The following MNAT1 variants were observed in gnomAD, a reference collection of about 807,000 sequenced individuals.
The protein encoded by MNAT1 is MNAT1 component of CDK activating kinase.
Under a neutral mutation model 42.0 loss-of-function variants are expected in MNAT1, and 43 were observed. The ratio of observed to expected loss-of-function variants is 1.02; its 90% CI spans 0.80 to 1.32. The LOEUF (loss-of-function observed/expected upper bound fraction) is 1.32, where lower values mean the gene tolerates loss of function less well. Among genes scored for constraint, MNAT1 ranks in the 40% most tolerant of loss-of-function variants. The probability of loss-of-function intolerance (pLI) is 0.00; values close to 1 mark genes in which losing one functional copy is unlikely to be tolerated. For missense variants in MNAT1, 306 were observed against 350.4 expected, an observed-to-expected ratio of 0.87 and a Z score of 1.01; for synonymous variants, 118 against 120.0, an observed-to-expected ratio of 0.98 and a Z score of 0.11.
chr14:60,823,732 G>A (rs1250398805), intron 6 of MNAT1, among the ~76,000 whole-genome samples: 1 of 152,092 alleles, frequency 6.6e-6, no homozygotes, highest in Non-Finnish European at 1.5e-5. Context: ...GGTGGCAGGC[G>A]CTTGTAATCC....
At chr14:60,792,365 T>A (rs996640496) in intron 1 of MNAT1, among the ~76,000 whole-genome samples, 3 of 152,176 alleles carry the variant, frequency 2.0e-5, no homozygotes, top group Non-Finnish European at 4.4e-5. Flanking sequence ...ATAGACAAGT[T>A]AGGTTTATTT....
intron 6 of MNAT1, among the ~76,000 whole-genome samples, chr14:60,858,734 C>T (rs1226624192): frequency 6.6e-6 from 1 of 152,180 alleles, no homozygotes; most frequent in Non-Finnish European, 1.5e-5. Context: ...CCTGATCAGT[C>T]AGCAGCCATC....
intron 1 of MNAT1, among the ~76,000 whole-genome samples, chr14:60,785,966 A>G (rs1176203995): frequency 1.3e-5 from 2 of 152,132 alleles, no homozygotes; most frequent in Admixed American, 6.5e-5. Context: ...TGAATTATAT[A>G]TATTTTTTCA....
At chr14:60,944,977 A>G (rs1290295232) in intron 7 of MNAT1, among the ~76,000 whole-genome samples, 1 of 152,206 alleles carries the variant, frequency 6.6e-6, no homozygotes, top group African/African-American at 2.4e-5. Flanking sequence ...AAATATGATT[A>G]TAGCAGTTTC....
chr14:60,767,955 G>A (rs2030900046), intron 1 of MNAT1, among the ~76,000 whole-genome samples: 2 of 151,964 alleles, frequency 1.3e-5, no homozygotes, highest in Admixed American at 1.3e-4. Context: ...TAGTAGAGAC[G>A]GGGTTTCACC....
chr14:60,747,958 AGGCCGAGGTCGGC>A (rs1016531739), intron 1 of MNAT1, among the ~76,000 whole-genome samples: 4 of 152,138 alleles, frequency 2.6e-5, no homozygotes, highest in African/African-American at 9.7e-5. Flanking sequence ...GCACTATGGG[AGGCCGAGGTCGGC>A]GGATCATGAG....
At chr14:60,921,340 A>G (rs1294946495) in intron 7 of MNAT1, among the ~76,000 whole-genome samples, 1 of 152,230 alleles carries the variant, frequency 6.6e-6, no homozygotes, top group Non-Finnish European at 1.5e-5. Flanking sequence ...TCCCCATTGT[A>G]AAAGTAATAT....
chr14:60,829,496 C>T (rs533289112), intron 6 of MNAT1, among the ~76,000 whole-genome samples: 21 of 151,994 alleles, frequency 1.4e-4, no homozygotes, highest in African/African-American at 3.6e-4. Flanking sequence ...TCCTTTACCA[C>T]GGTAAAGGAA....
intron 6 of MNAT1, among the ~76,000 whole-genome samples, chr14:60,874,644 G>A (rs1594822159): frequency 6.6e-6 from 1 of 151,364 alleles, no homozygotes; most frequent in East Asian, 1.9e-4. Context: ...ATACCATTTG[G>A]CACCCAACCA....
intron 7 of MNAT1, among the ~76,000 whole-genome samples, chr14:60,943,289 G>A (rs1262256090): frequency 2.6e-5 from 4 of 152,110 alleles, no homozygotes; most frequent in Admixed American, 2.0e-4. Context: ...TAAATTAGCT[G>A]AGTAAATGTG....
chr14:60,758,090 G>T (rs1193349519), intron 1 of MNAT1, among the ~76,000 whole-genome samples: 1 of 152,028 alleles, frequency 6.6e-6, no homozygotes, highest in Non-Finnish European at 1.5e-5. Context: ...TATGTACTAG[G>T]CTTATTTCTA....
chr14:60,913,515 G>T (rs113765492), intron 7 of MNAT1, among the ~76,000 whole-genome samples: 12 of 152,006 alleles, frequency 7.9e-5, no homozygotes, highest in East Asian at 5.8e-4. Context: ...GGTGTGGATG[G>T]CCTTTCTGTT....
intron 1 of MNAT1, among the ~76,000 whole-genome samples, chr14:60,751,327 A>G (rs531979775): frequency 8.5e-5 from 13 of 152,148 alleles, no homozygotes; most frequent in Non-Finnish European, 1.5e-4. Flanking sequence ...TGAAAAAACT[A>G]CAATATTAAA....
intron 1 of MNAT1, among the ~76,000 whole-genome samples, chr14:60,738,190 G>T (rs976679375): frequency 4.0e-5 from 6 of 149,028 alleles, no homozygotes; most frequent in Non-Finnish European, 3.0e-5. Context: ...TTAAAATCTT[G>T]CATTTTAAAA....
At chr14:60,889,225 C>T (rs1021163520) in intron 7 of MNAT1, among the ~76,000 whole-genome samples, 16 of 152,306 alleles carry the variant, frequency 1.1e-4, no homozygotes, top group African/African-American at 1.7e-4. Flanking sequence ...GTAACCAAAA[C>T]GGCATGGCAC....
Position 60,796,572 on chromosome 14 carries a change from ATTTATTCT to A in MNAT1, c.242+206_242+213del, listed in dbSNP as rs540124743. Among the ~76,000 whole-genome samples, 3 of 152,290 alleles carry A rather than the reference ATTTATTCT, an allele frequency of 2.0e-5. No individual in the cohort carries two copies. In the South Asian group the frequency reaches 6.2e-4, roughly 32 times the overall value. On this transcript the variant is annotated intron_variant, in intron 2 of 7. Coordinates refer to ENST00000261245, the MANE Select transcript of MNAT1 (RefSeq NM_002431.4). ...ATTGATGGCTTCATTATTCATTTGT[ATTTATTCT>A]TTGATTAATAAACATGTATTGAGTA... is the stretch of plus-strand genomic sequence containing the variant.
chr14:60,936,379 CT>C (rs2035997646), intron 7 of MNAT1, among the ~76,000 whole-genome samples: 5 of 120,474 alleles, frequency 4.2e-5, no homozygotes, highest in Admixed American at 2.6e-4. Context: ...TCCCTCCCCC[CT>C]CCCCCCACCC....
At chr14:60,914,449 A>G (rs1417996605) in intron 7 of MNAT1, among the ~76,000 whole-genome samples, 7 of 152,066 alleles carry the variant, frequency 4.6e-5, no homozygotes, top group Non-Finnish European at 1.0e-4. Context: ...AGCTGTTCCT[A>G]TTCGGCCATC....
chr14:60,750,792 G>C (rs1043400868), intron 1 of MNAT1, among the ~76,000 whole-genome samples: 2 of 152,074 alleles, frequency 1.3e-5, no homozygotes, highest in African/African-American at 4.8e-5. Context: ...AGCATCAGGG[G>C]AACAAAAATG....
Sources: gnomAD v4.1 joint callset for allele counts (sites outside exome capture counted in the v4.1 genomes callset) on GRCh38, gnomAD v4.1.1 for gene constraint, MANE v1.5 for transcripts, NCBI Gene and HGNC (gene_info 2026-07-23, HGNC 2026-07-21) for gene names.